KAT2B: variants seen among roughly 807,000 people sequenced by gnomAD.
KAT2B encodes lysine acetyltransferase 2B, also known as histone acetyltransferase KAT2B.
A neutral mutation model predicts 105.9 loss-of-function variants in KAT2B; 36 were observed. The observed-to-expected ratio is 0.34, with a 90% CI of 0.26 to 0.45. The LOEUF is 0.45. KAT2B is among the 20% of genes least tolerant of loss of function. KAT2B has a pLI of 1.00. For synonymous variants in KAT2B, 397 were observed against 377.9 expected (o/e 1.05, Z -0.59); for missense variants, 820 against 1,021.6 (o/e 0.80, Z 2.69).
chr3:20,140,800 C>A (rs1461084951), intron 13 of KAT2B, among the ~76,000 whole-genome samples: 3 of 152,096 alleles, frequency 2.0e-5, no homozygotes, highest in African/African-American at 7.2e-5. Context: ...CCATAGATTT[C>A]TTTAAAGGTA....
Position 20,049,396 on chromosome 3 carries a change from G to A in KAT2B, c.303+8616G>A, listed in dbSNP as rs901236269. ...ACGACATTTGATTCTTCTACCCGGG[G>A]AAAGTGGAAGGTAAGGGAGTTCATT... On this transcript the variant is annotated intron_variant, in intron 1 of 17. Transcript: ENST00000263754. Among the ~76,000 whole-genome samples, 11 of 152,294 alleles carry A rather than the reference G, an allele frequency of 7.2e-5. No individual in the cohort carries two copies. In the South Asian group the frequency reaches 1.9e-3, roughly 26 times the overall value.
At chr3:20,051,025 A>G (rs1275356515) in intron 1 of KAT2B, among the ~76,000 whole-genome samples, 2 of 151,756 alleles carry the variant, frequency 1.3e-5, no homozygotes, top group Non-Finnish European at 2.9e-5. Flanking sequence ...ACATGACAAA[A>G]CCTTGTTTCT....
chr3:20,134,881 T>A (rs1699574393), intron 11 of KAT2B, among the ~76,000 whole-genome samples: 1 of 152,258 alleles, frequency 6.6e-6, no homozygotes, highest in Non-Finnish European at 1.5e-5. Flanking sequence ...GACTTTTTTT[T>A]ACTTAATATG....
At chr3:20,097,366 A>T in intron 3 of KAT2B, among the ~76,000 whole-genome samples, 1 of 152,202 alleles carries the variant, frequency 6.6e-6, no homozygotes, top group Non-Finnish European at 1.5e-5. Flanking sequence ...TCATCTTAAA[A>T]TAACAGTGCA....
Position 20,119,591 on chromosome 3 carries a change from G to T in KAT2B, c.1151-7G>T, listed in dbSNP as rs1191032485. On this transcript the variant is annotated splice_region_variant and splice_polypyrimidine_tract_variant and intron_variant, in intron 7 of 17. Coordinates refer to ENST00000263754, the MANE Select transcript of KAT2B (RefSeq NM_003884.5). ...TCTAACACCTTCTTCTCCTTTTGCC[G>T]GGGCAGTTATCAATCCACCTCCTGT... 1 of 1,613,680 alleles carries T rather than the reference G, an allele frequency of 6.2e-7. No homozygotes were observed. Among genetic ancestry groups the T allele is most frequent in the Non-Finnish European group, 8.5e-7 (1 of 1,179,754 alleles).
At chr3:20,063,841 G>A (rs1343548152) in intron 1 of KAT2B, among the ~76,000 whole-genome samples, 3 of 151,924 alleles carry the variant, frequency 2.0e-5, no homozygotes, top group African/African-American at 7.3e-5. Context: ...ACGCCCGGCC[G>A]AGATTCACAA....
chr3:20,046,900 A>C (rs1206404175), intron 1 of KAT2B, among the ~76,000 whole-genome samples: 3 of 152,162 alleles, frequency 2.0e-5, no homozygotes, highest in Non-Finnish European at 2.9e-5. Flanking sequence ...ACTGGCAACT[A>C]GTGAGTGGAG....
rs572754669 is a variant in KAT2B at position 20,084,129 on chromosome 3, C to T, written c.431-11134C>T. Among the ~76,000 whole-genome samples, 8 of 152,288 alleles carry T rather than the reference C, an allele frequency of 5.3e-5. No individual in the cohort carries two copies. The South Asian group carries it at 1.7e-3, about 32-fold the overall frequency. On this transcript the variant is annotated intron_variant, in intron 2 of 17. Transcript: ENST00000263754. ...TACATTGGAGGGTCTGAGAAGTTGG[C>T]ACATTTAGACAACTACGTATTTATA...
intron 3 of KAT2B, among the ~76,000 whole-genome samples, chr3:20,098,035 G>C (rs1349039376): frequency 6.6e-6 from 1 of 152,034 alleles, no homozygotes; most frequent in Non-Finnish European, 1.5e-5. Context: ...TTCAAGACCA[G>C]CCTGGCAAAC....
rs1264280445 is a variant in KAT2B at position 20,081,595 on chromosome 3, CA to C, written c.430+9137del. Among the ~76,000 whole-genome samples, 4 of 152,112 alleles carry C rather than the reference CA, an allele frequency of 2.6e-5. No homozygotes were observed. The East Asian group carries it at 7.7e-4, about 29-fold the overall frequency. The stretch of plus-strand genomic sequence containing the variant: ...AGTGGACACTGGGGGAACTGTGGCC[CA>C]CCAAAAGGAATAAACTTTGCCACAG... On this transcript the variant is annotated intron_variant, in intron 2 of 17. Transcript: ENST00000263754.
chr3:20,105,816 A>AG (rs1386064628), intron 5 of KAT2B, among the ~76,000 whole-genome samples: 10 of 151,106 alleles, frequency 6.6e-5, no homozygotes, highest in Admixed American at 2.0e-4. Flanking sequence ...AAAAAAAAAA[A>AG]AAGAAGAAGA....
intron 17 of KAT2B, chr3:20,149,135 T>C (rs535128758): frequency 6.6e-6 from 1 of 152,162 alleles, no homozygotes; most frequent in Non-Finnish European, 1.5e-5. Context: ...ATTAATTGAA[T>C]CATTTGAGGT....
intron 8 of KAT2B, among the ~76,000 whole-genome samples, chr3:20,122,126 A>G (rs2125174882): frequency 6.6e-6 from 1 of 152,338 alleles, no homozygotes; most frequent in South Asian, 2.1e-4. Context: ...TAGGTCAAAC[A>G]GACAAAAATA....
intron 1 of KAT2B, among the ~76,000 whole-genome samples, chr3:20,065,546 G>A (rs904501152): frequency 6.6e-6 from 1 of 151,776 alleles, no homozygotes; most frequent in Non-Finnish European, 1.5e-5. Context: ...TGCTTTGCTG[G>A]CAGTCAAGGA....
chr3:20,071,429 G>A (rs925333268), intron 1 of KAT2B, among the ~76,000 whole-genome samples: 1 of 152,182 alleles, frequency 6.6e-6, no homozygotes, highest in East Asian at 1.9e-4. Context: ...AGTAGAGAAG[G>A]GGCAGAAGAA....
intron 12 of KAT2B, among the ~76,000 whole-genome samples, chr3:20,140,015 A>G (rs574339645): frequency 6.6e-6 from 1 of 152,318 alleles, no homozygotes; most frequent in Admixed American, 6.5e-5. Context: ...CATTTAAAAA[A>G]TGTTGTCTTG....
intron 1 of KAT2B, among the ~76,000 whole-genome samples, chr3:20,070,367 C>T (rs1201378347): frequency 1.4e-5 from 2 of 147,496 alleles, no homozygotes; most frequent in African/African-American, 5.0e-5. Context: ...TGCAGTTGTG[C>T]AATCTCGGCT....
chr3:20,139,871 C>A (rs6550365), intron 12 of KAT2B, among the ~76,000 whole-genome samples: 9,529 of 152,170 alleles, frequency 0.063, 976 homozygotes, highest in African/African-American at 0.22. Context: ...ATCCTGGGGA[C>A]CCCCTCACCA....
chr3:20,068,726 G>C (rs911690621), intron 1 of KAT2B, among the ~76,000 whole-genome samples: 1 of 152,138 alleles, frequency 6.6e-6, no homozygotes, highest in Non-Finnish European at 1.5e-5. Flanking sequence ...GAATGAGTCA[G>C]TGTGCATAAC....
Sources: gnomAD v4.1 joint callset for allele counts (sites outside exome capture counted in the v4.1 genomes callset) on GRCh38, gnomAD v4.1.1 for gene constraint, MANE v1.5 for transcripts, NCBI Gene and HGNC (gene_info 2026-07-23, HGNC 2026-07-21) for gene names.